RPUSD3: variants seen among roughly 807,000 people sequenced by gnomAD.
RPUSD3 encodes mitochondrial mRNA pseudouridine synthase RPUSD3.
In RPUSD3, 36 loss-of-function variants were observed where a neutral mutation model predicts 35.1. The observed-to-expected ratio is 1.02, with a 90% confidence interval of 0.79 to 1.35. The LOEUF (loss-of-function observed/expected upper bound fraction) is 1.35, where lower values mean the gene tolerates loss of function less well. Ranked by LOEUF, RPUSD3 falls within the 40% of genes most tolerant of loss-of-function variation. The pLI, the probability that RPUSD3 is intolerant of heterozygous loss-of-function variation, is 0.00. For synonymous variants in RPUSD3, 202 were observed against 187.8 expected (o/e 1.08, Z -0.62); for missense variants, 486 against 441.9 (o/e 1.10, Z -0.89).
chr3:9,840,963 G>C (rs1049186377), intron 4 of RPUSD3, 158 bp from the exon 5 acceptor site: 1 of 564,430 alleles, frequency 1.8e-6, no homozygotes, highest in East Asian at 3.0e-5. Flanking sequence ...CCCCTTCTTT[G>C]ATAACAAGAC....
At chr3:9,841,837 G>A (rs1298631345) in intron 4 of RPUSD3, 146 bp downstream of exon 4, 7 of 690,824 alleles carry the variant, frequency 1.0e-5, no homozygotes, top group African/African-American at 5.3e-5. Context: ...CAGAGCCATC[G>A]GCTTCCTCTT....
At chr3:9,841,336 CGG>C (rs1575430417) in intron 4 of RPUSD3, 1 of 154,698 alleles carries the variant, frequency 6.5e-6, no homozygotes, top group Non-Finnish European at 1.4e-5. Flanking sequence ...TTTTTTGAGA[CGG>C]GGTCTCATTC....
chr3:9,843,992 T>C (rs745835935), exon 1 of RPUSD3: 1 of 1,595,138 alleles, frequency 6.3e-7, no homozygotes, highest in Admixed American at 1.7e-5. Flanking sequence ...GCCGTCCATC[T>C]CCCGAGCCAG....
chr3:9,840,648 G>A lies in RPUSD3; in HGVS notation c.516-32C>T, dbSNP rs768028159. On this transcript the variant is annotated intron_variant, in intron 5 of 8. Transcript: ENST00000383820. Reference sequence around the variant, plus strand: ...AAGGGGCAGGAGGAGGTCACAGGGTGGCTTGCTGGGACCTCCCCACCACTC... The same window carrying A: ...AAGGGGCAGGAGGAGGTCACAGGGTAGCTTGCTGGGACCTCCCCACCACTC... The A allele has an allele frequency of 5.6e-6, 9 of 1,612,246 alleles. No individual in the cohort carries two copies. In the South Asian group the frequency reaches 8.8e-5, roughly 16 times the overall value.
At chr3:9,842,012 C>T in exon 4 of RPUSD3, 1 of 1,614,074 alleles carries the variant, frequency 6.2e-7, no homozygotes, top group Non-Finnish European at 8.5e-7. Context: ...CCTGAAGCTC[C>T]TGCTCCCTGA....
chr3:9,842,003 C>T lies in RPUSD3; in HGVS notation c.387G>A (p.Gln129=), dbSNP rs148780857. 2.5e-6 allele frequency: 4 copies of T among 1,614,070 alleles called. No individual in the cohort carries two copies. The East Asian group carries it at 8.9e-5, about 36-fold the overall frequency. The change falls in exon 4 of 9, where the codon CAG becomes CAA. Residue 129 remains glutamine, a synonymous_variant. Transcript: ENST00000383820. ...CTTACTTCCCAGATGCTCGGACAAC[C>T]TGAAGCTCCTGCTCCCTGAGCCCTA...
chr3:9,841,761 GC>G, intron 4 of RPUSD3: 1 of 454,776 alleles, frequency 2.2e-6, no homozygotes, highest in Non-Finnish European at 4.0e-6. Flanking sequence ...GAGTCACTGT[GC>G]CCAGCGTCAG....
At chr3:9,843,231 G>C in intron 2 of RPUSD3, 1 of 582,500 alleles carries the variant, frequency 1.7e-6, no homozygotes, top group Non-Finnish European at 3.0e-6. Context: ...ACTGAGCGCC[G>C]GCTATGTGCA....
chr3:9,841,669 A>G (rs1199680866), intron 4 of RPUSD3: 1 of 217,096 alleles, frequency 4.6e-6, no homozygotes, highest in Non-Finnish European at 9.2e-6. Flanking sequence ...GATGGGGTCT[A>G]TTTTGCCCAG....
intron 6 of RPUSD3, 47 bp downstream of exon 6, chr3:9,840,485 G>T (rs1328800860): frequency 2.5e-6 from 4 of 1,600,508 alleles, no homozygotes; most frequent in Non-Finnish European, 3.4e-6. Flanking sequence ...TCTCTGTAGG[G>T]GTACTATATC....
At position 9,838,156 on chromosome 3, in the gene RPUSD3, C is replaced by T. The variant is rs756383633; in HGVS notation, c.916G>A (p.Ala306Thr). 2 of 1,612,098 alleles carry T rather than the reference C, an allele frequency of 1.2e-6. No individual in the cohort carries two copies. Among genetic ancestry groups the T allele is most frequent in the East Asian group, 2.2e-5 (1 of 44,876 alleles). The change falls in exon 9 of 9, where the codon GCC (alanine) becomes ACC (threonine). Residue 306 changes from alanine (A) to threonine (T), a missense_variant. Transcript: ENST00000383820. ...AGGTGGAGGTGCAAGGGCAGCTGGG[C>T]AGCCTGGGAGGGGGTCAGGTGGAGG...
chr3:9,838,909 C>G (rs1400500401), intron 8 of RPUSD3, 123 bp downstream of exon 8: 1 of 1,367,794 alleles, frequency 7.3e-7, no homozygotes, highest in Non-Finnish European at 1.0e-6. Context: ...CGGATACAGC[C>G]TTGGGAGCCA....
At chr3:9,843,695 T>G (rs1197221574) in intron 1 of RPUSD3, 94 bp from the exon 2 acceptor site, 1 of 1,555,904 alleles carries the variant, frequency 6.4e-7, no homozygotes, top group South Asian at 1.2e-5. Flanking sequence ...CTGCGGCCTC[T>G]GACAAATGCC....
exon 1 of RPUSD3, chr3:9,843,926 G>A (rs1202038228): frequency 1.9e-6 from 3 of 1,605,242 alleles, no homozygotes; most frequent in Middle Eastern, 1.7e-4. Context: ...CTCGGGCACT[G>A]GGCGGACACC....
At chr3:9,841,800 C>T (rs2082108005) in intron 4 of RPUSD3, 183 bp downstream of exon 4, 1 of 571,962 alleles carries the variant, frequency 1.7e-6, no homozygotes, top group East Asian at 2.9e-5. Flanking sequence ...CCTGGTATCA[C>T]ACCATTTGTA....
exon 9 of RPUSD3, chr3:9,838,033 C>T (rs2082046592): frequency 6.3e-7 from 1 of 1,579,520 alleles, no homozygotes; most frequent in Non-Finnish European, 8.6e-7. Context: ...AAGCGGAGCC[C>T]CAGGCACTGT....
exon 9 of RPUSD3, chr3:9,837,930 C>T (rs774324326): frequency 7.5e-5 from 106 of 1,420,274 alleles, no homozygotes; most frequent in Non-Finnish European, 9.2e-5. Flanking sequence ...GTGGCCTGTC[C>T]AGGATGTGAT....
At chr3:9,843,940 G>A (rs878971558) in exon 1 of RPUSD3, 3 of 1,595,726 alleles carry the variant, frequency 1.9e-6, no homozygotes, top group African/African-American at 1.3e-5. Flanking sequence ...GGACACCCAG[G>A]CCCCGCCGCC....
intron 4 of RPUSD3, chr3:9,841,734 G>C (rs556874425): frequency 2.7e-6 from 1 of 370,004 alleles, no homozygotes; most frequent in Admixed American, 4.3e-5. Context: ...CTCCAGAAGT[G>C]TTGGGATTAC....
Sources: gnomAD v4.1 joint callset for allele counts on GRCh38, gnomAD v4.1.1 for gene constraint, MANE v1.5 for transcripts, NCBI Gene and HGNC (gene_info 2026-07-23, HGNC 2026-07-21) for gene names.